The following TRAM1 variants were observed in gnomAD, a reference collection of about 807,000 sequenced individuals.
The protein encoded by TRAM1 is translocation associated membrane protein 1.
TRAM1 carries 17 observed loss-of-function variants against 48.7 expected under a neutral mutation model. That is an observed-to-expected ratio of 0.35 (90% CI 0.24 to 0.52). The LOEUF is 0.52. Among genes scored for constraint, TRAM1 ranks in the 20% least tolerant of loss-of-function variants. TRAM1 has a pLI of 0.94. For synonymous variants in TRAM1, 182 were observed against 154.0 expected, an observed-to-expected ratio of 1.18 and a Z score of -1.34; for missense variants, 351 against 441.5, an observed-to-expected ratio of 0.79 and a Z score of 1.84.
chr8:70,598,595 G>A (rs943531807), intron 2 of TRAM1, among the ~76,000 whole-genome samples: 2 of 152,100 alleles, frequency 1.3e-5, no homozygotes, highest in African/African-American at 4.8e-5. Flanking sequence ...TTAGCCTACT[G>A]ACCTATTTTT....
chr8:70,605,844 G>GA (rs1817707901), intron 1 of TRAM1, among the ~76,000 whole-genome samples: 1 of 152,152 alleles, frequency 6.6e-6, no homozygotes, highest in Non-Finnish European at 1.5e-5. Flanking sequence ...ATATAAAGGT[G>GA]AAAATCCACT....
intron 4 of TRAM1, among the ~76,000 whole-genome samples, chr8:70,597,668 C>CAAAAAAAAAAAAAAAAAAAAA (rs35449323): frequency 2.8e-5 from 1 of 35,986 alleles, no homozygotes; most frequent in Admixed American, 4.6e-4. Context: ...GACTCTGTCT[C>CAAAAAAAAAAAAAAAAAAAAA]AAAAAAAAAA....
chr8:70,600,376 T>C (rs1817581613), intron 1 of TRAM1, among the ~76,000 whole-genome samples: 1 of 152,152 alleles, frequency 6.6e-6, no homozygotes, highest in Non-Finnish European at 1.5e-5. Flanking sequence ...GATGATTCTC[T>C]ACTCTAGCCC....
At chr8:70,587,612 CAT>C (rs1282871609) in intron 6 of TRAM1, 2 of 155,032 alleles carry the variant, frequency 1.3e-5, no homozygotes, top group East Asian at 1.9e-4. Context: ...CAATATTAAT[CAT>C]AGTTACATGC....
intron 6 of TRAM1, among the ~76,000 whole-genome samples, chr8:70,591,005 AAT>A (rs1817345410): frequency 2.2e-5 from 3 of 134,748 alleles, no homozygotes; most frequent in Admixed American, 7.2e-5. Context: ...CAACAATAAT[AAT>A]AAAAAAAAAA....
chr8:70,597,191 T>C (rs938684404), intron 4 of TRAM1, among the ~76,000 whole-genome samples: 15 of 152,218 alleles, frequency 9.9e-5, no homozygotes, highest in Non-Finnish European at 1.9e-4. Flanking sequence ...AATACTGCCT[T>C]TCTTTTTCTC....
intron 1 of TRAM1, chr8:70,607,261 G>A: frequency 1.0e-6 from 1 of 985,104 alleles, no homozygotes; most frequent in Non-Finnish European, 1.2e-6. Context: ...CGTGGGAAGA[G>A]AATTTACACA....
intron 6 of TRAM1, chr8:70,587,398 T>A (rs1257727937): frequency 2.4e-5 from 12 of 494,460 alleles, no homozygotes; most frequent in Non-Finnish European, 4.3e-5. Flanking sequence ...AAGTAGGAGA[T>A]CTGAAAGCTA....
intron 8 of TRAM1, 124 bp downstream of exon 8, chr8:70,586,771 T>C (rs1200135664): frequency 1.3e-6 from 1 of 759,410 alleles, no homozygotes; most frequent in Non-Finnish European, 2.1e-6. Flanking sequence ...AATTTCGTTT[T>C]ATTTAAAGCG....
chr8:70,591,219 G>A (rs1016981496), intron 6 of TRAM1, among the ~76,000 whole-genome samples: 3 of 152,102 alleles, frequency 2.0e-5, no homozygotes, highest in Non-Finnish European at 4.4e-5. Context: ...CCATCCCCTT[G>A]CCTCAGCCTC....
intron 1 of TRAM1, among the ~76,000 whole-genome samples, chr8:70,606,636 T>A (rs936426178): frequency 5.3e-5 from 8 of 152,154 alleles, no homozygotes; most frequent in Admixed American, 4.6e-4. Context: ...AGTAGGTAGG[T>A]GGCACAGCCC....
rs1184521784 is a variant in TRAM1, at chr8:70,596,181, A to G, written c.485+82T>C. The G allele has an allele frequency of 4.2e-6, 5 of 1,182,428 alleles. No individual in the cohort carries two copies. In the East Asian group the frequency reaches 1.4e-4, roughly 32 times the overall value. 73.2% of individuals were successfully genotyped at this position (1,182,428 alleles called of 1,614,324 possible). On this transcript the variant is annotated intron_variant, in intron 5 of 10. Transcript: ENST00000262213. Reference sequence around the variant, plus strand: ...TTTATGCATTTGCCTAAGGTCCTAAAGAGAATAACAAGAATGAATTCTGAT... The same window carrying G: ...TTTATGCATTTGCCTAAGGTCCTAAGGAGAATAACAAGAATGAATTCTGAT...
chr8:70,608,255 C>A lies in TRAM1; in HGVS notation c.-56G>T. The A allele has an allele frequency of 6.6e-7, 1 of 1,510,898 alleles. No homozygotes were observed. Among genetic ancestry groups the A allele is most frequent in the Non-Finnish European group, 8.8e-7 (1 of 1,134,604 alleles). 93.6% of individuals were successfully genotyped at this position (1,510,898 alleles called of 1,614,324 possible). A position where few individuals can be genotyped will look rare whatever the true frequency, so the allele number is the denominator to read the frequency against. On this transcript the variant is annotated 5_prime_UTR_variant, in exon 1 of 11. Transcript: ENST00000262213. ...TCCGCCCCGGTTCTGCTCTTCCCAG[C>A]TGCTCACCGACTCGCCGCCGCCTCC...
chr8:70,584,913 G>A (rs1817174949), intron 8 of TRAM1, among the ~76,000 whole-genome samples: 1 of 152,112 alleles, frequency 6.6e-6, no homozygotes, highest in African/African-American at 2.4e-5. Context: ...TTTCTTCACA[G>A]AATTGGAAAA....
intron 1 of TRAM1, among the ~76,000 whole-genome samples, chr8:70,604,527 G>A (rs1817678768): frequency 6.6e-6 from 1 of 152,098 alleles, no homozygotes; most frequent in Admixed American, 6.5e-5. Context: ...TCAAAAAAAA[G>A]AGAGACCCTT....
At chr8:70,597,565 G>T (rs1817514936) in intron 4 of TRAM1, among the ~76,000 whole-genome samples, 1 of 145,716 alleles carries the variant, frequency 6.9e-6, no homozygotes, top group South Asian at 2.2e-4. Context: ...AGCTACTTGG[G>T]AAGCTGAGGC....
At chr8:70,589,655 T>A (rs111534747) in intron 6 of TRAM1, among the ~76,000 whole-genome samples, 31 of 152,234 alleles carry the variant, frequency 2.0e-4, no homozygotes, top group African/African-American at 7.5e-4. Context: ...CTTGGCAACA[T>A]GGCGAAACCC....
At chr8:70,598,815 C>T (rs1817543500) in intron 2 of TRAM1, among the ~76,000 whole-genome samples, 1 of 152,142 alleles carries the variant, frequency 6.6e-6, no homozygotes, top group Non-Finnish European at 1.5e-5. Flanking sequence ...ATTGCTGACA[C>T]TTATTCTCAA....
chr8:70,575,393 G>A (rs1185851039), intron 10 of TRAM1, among the ~76,000 whole-genome samples: 2 of 152,110 alleles, frequency 1.3e-5, no homozygotes, highest in Non-Finnish European at 1.5e-5. Context: ...ATGTGGAGGC[G>A]TGTATTATGG....
Sources: allele counts gnomAD v4.1 joint callset (sites outside exome capture counted in the v4.1 genomes callset), GRCh38; gene constraint gnomAD v4.1.1; transcripts MANE v1.5; gene names NCBI Gene and HGNC (gene_info 2026-07-23, HGNC 2026-07-21).